The following SLC4A7 variants were observed in gnomAD, a reference collection of about 807,000 sequenced individuals.
SLC4A7 encodes the protein solute carrier family 4 member 7.
Under a neutral mutation model 137.6 loss-of-function variants are expected in SLC4A7, and 51 were observed. The ratio of observed to expected loss-of-function variants is 0.37; its 90% CI spans 0.30 to 0.47. The LOEUF (loss-of-function observed/expected upper bound fraction) is 0.47. Ranked by LOEUF, SLC4A7 falls within the 20% of genes least tolerant of loss-of-function variation. The pLI is 1.00. For synonymous variants in SLC4A7, 542 were observed against 518.6 expected, an observed-to-expected ratio of 1.05 and a Z score of -0.61; for missense variants, 1,247 against 1,525.4, an observed-to-expected ratio of 0.82 and a Z score of 3.04.
At chr3:27,378,680 T>C (rs992007290) in intron 25 of SLC4A7, among the ~76,000 whole-genome samples, 18 of 152,174 alleles carry the variant, frequency 1.2e-4, no homozygotes, top group African/African-American at 4.1e-4. Flanking sequence ...CCAAGCAAAA[T>C]GTTTACCTCA....
Position 27,415,667 on chromosome 3 carries a change from T to C in SLC4A7, c.1659+2819A>G, listed in dbSNP as rs143258448. On this transcript the variant is annotated intron_variant, in intron 11 of 25. Transcript: ENST00000454389. ...TTGACATTTTTTAAGCCAAACTTCTTTCTAAAATTACCAAACAATCTTTGC... is the reference window on the plus strand; with the variant it reads ...TTGACATTTTTTAAGCCAAACTTCTCTCTAAAATTACCAAACAATCTTTGC... Among the ~76,000 whole-genome samples the C allele has an allele frequency of 2.6e-3, 399 of 152,328 alleles. 1 individual carries two copies. The highest frequency in any genetic ancestry group is 9.3e-3 in the African/African-American group (385 of 41,574).
rs996687037 is a variant in SLC4A7, at chr3:27,440,899, G to A, written c.290-3373C>T. On this transcript the variant is annotated intron_variant, in intron 3 of 25. Coordinates refer to ENST00000454389, the MANE Select transcript of SLC4A7 (RefSeq NM_001321103.2). The stretch of plus-strand genomic sequence containing the variant: ...GTCTCTACCAAAAATACAAAAATTA[G>A]CCAGCCATGATGGCAGAGGCCTGTA... 3.9e-4 allele frequency among the ~76,000 whole-genome samples: 59 copies of A among 152,062 alleles called. No homozygotes were observed. In the Middle Eastern group the frequency reaches 0.017, roughly 44 times the overall value.
intron 8 of SLC4A7, 29 bp from the exon 9 acceptor site, chr3:27,421,808 A>G: frequency 6.4e-7 from 1 of 1,567,440 alleles, no homozygotes; most frequent in African/African-American, 1.4e-5. Flanking sequence ...TTAAAAATAA[A>G]GTTTCCGTGG....
chr3:27,402,630 C>T, intron 15 of SLC4A7, among the ~76,000 whole-genome samples: 1 of 151,520 alleles, frequency 6.6e-6, no homozygotes, highest in Admixed American at 6.6e-5. Context: ...ACCTGGGAGG[C>T]AGAGGCTGCA....
At chr3:27,447,222 T>C (rs933642435) in intron 3 of SLC4A7, among the ~76,000 whole-genome samples, 6 of 152,068 alleles carry the variant, frequency 3.9e-5, no homozygotes, top group African/African-American at 1.4e-4. Flanking sequence ...TCAGTCTCAC[T>C]GGGCTGAAGT....
At position 27,400,756 on chromosome 3, in the gene SLC4A7, A is replaced by G; in HGVS notation, c.2427+8T>C. 6.7e-7 allele frequency: 1 copy of G among 1,499,156 alleles called. No individual in the cohort carries two copies. The highest frequency in any genetic ancestry group is 2.3e-5 in the East Asian group (1 of 44,330). 92.9% of individuals were successfully genotyped at this position (1,499,156 alleles called of 1,614,324 possible). A position where few individuals can be genotyped will look rare whatever the true frequency, so the allele number is the denominator to read the frequency against. Reference sequence around the variant, plus strand: ...ATTACAAAACCCTTTATTTCAAAATATACTCACAGAAACAGTAAGATTTCT... The same window carrying G: ...ATTACAAAACCCTTTATTTCAAAATGTACTCACAGAAACAGTAAGATTTCT... On this transcript the variant is annotated splice_region_variant and intron_variant, in intron 16 of 25. Transcript: ENST00000454389.
At chr3:27,394,814 C>T (rs768557016) in intron 19 of SLC4A7, 45 bp from the exon 20 acceptor site, 1 of 1,582,804 alleles carries the variant, frequency 6.3e-7, no homozygotes, top group South Asian at 1.2e-5. Flanking sequence ...CTAAATGGTT[C>T]CCTCAATTTA....
intron 25 of SLC4A7, among the ~76,000 whole-genome samples, chr3:27,377,418 G>C (rs1455035069): frequency 6.6e-6 from 1 of 152,046 alleles, no homozygotes; most frequent in African/African-American, 2.4e-5. Flanking sequence ...GAGAGACAGA[G>C]TTTTGCTCTT....
rs191026105 is a variant in SLC4A7 at position 27,441,561 on chromosome 3, T to C, written c.290-4035A>G. Among the ~76,000 whole-genome samples, 789 of 152,214 alleles carry C rather than the reference T, an allele frequency of 5.2e-3. 4 individuals carry two copies. The highest frequency in any genetic ancestry group is 0.011 in the Admixed American group (161 of 15,288). ...GGCTGGAAGTGTAGTCACACAAGCA[T>C]GGCTCACTGCGGCCTCAAACTCCTA... On this transcript the variant is annotated intron_variant, in intron 3 of 25. Coordinates refer to ENST00000454389, the MANE Select transcript of SLC4A7 (RefSeq NM_001321103.2).
chr3:27,457,784 CAA>C (rs2058489480), intron 1 of SLC4A7, among the ~76,000 whole-genome samples: 1 of 152,126 alleles, frequency 6.6e-6, no homozygotes, highest in Non-Finnish European at 1.5e-5. Context: ...ATATCACCAA[CAA>C]TCTCATAAGT....
In SLC4A7 at chr3:27,424,096, C is replaced by T. The variant is rs1451954143; in HGVS notation, c.1207G>A (p.Glu403Lys). 14 of 1,612,174 alleles carry T rather than the reference C, an allele frequency of 8.7e-6. No individual in the cohort carries two copies. The highest frequency in any genetic ancestry group is 1.2e-5 in the Non-Finnish European group (14 of 1,178,980). ...PGNLDNSKSG[E>K]IKGNGSGGSR... The stretch of plus-strand genomic sequence containing the variant: ...CCACCACTTCCATTACCTTTAATTT[C>T]TCCACTTTTACTATTGTCCAAGTTT... The change falls in exon 8 of 26, where the codon GAA becomes AAA. Residue 403 changes from glutamate to lysine, a missense_variant. Physicochemically the swap from Glu to Lys is moderately conservative, Grantham distance 56. Coordinates refer to ENST00000454389, the MANE Select transcript of SLC4A7 (RefSeq NM_001321103.2).
At chr3:27,460,020 T>C (rs867709945) in intron 1 of SLC4A7, among the ~76,000 whole-genome samples, 2 of 140,218 alleles carry the variant, frequency 1.4e-5, no homozygotes, top group African/African-American at 5.0e-5. Context: ...CGTGTATATA[T>C]ACACATATAT....
At chr3:27,393,915 T>C (rs2051859448) in intron 20 of SLC4A7, among the ~76,000 whole-genome samples, 1 of 152,212 alleles carries the variant, frequency 6.6e-6, no homozygotes, top group Admixed American at 6.5e-5. Context: ...TCAAACTCTG[T>C]GGTCTCAAGA....
At chr3:27,452,913 G>T (rs1318543377) in intron 1 of SLC4A7, among the ~76,000 whole-genome samples, 1 of 152,082 alleles carries the variant, frequency 6.6e-6, no homozygotes, top group Non-Finnish European at 1.5e-5. Flanking sequence ...AGCTATACTG[G>T]ACTGAATTAT....
intron 11 of SLC4A7, among the ~76,000 whole-genome samples, chr3:27,412,684 A>T (rs2054019010): frequency 6.6e-6 from 1 of 152,148 alleles, no homozygotes; most frequent in South Asian, 2.1e-4. Flanking sequence ...TAAAAACTAC[A>T]AATTATAAAA....
In SLC4A7 at chr3:27,374,310, G is replaced by C. The variant is rs184196010; in HGVS notation, c.*2454C>G. ...CAGGGCTGAATTTATTTTGTAAATG[G>C]AATATGTACAGGTTTAATTATTTTG... On this transcript the variant is annotated 3_prime_UTR_variant, in exon 26 of 26. Coordinates refer to ENST00000454389, the MANE Select transcript of SLC4A7 (RefSeq NM_001321103.2). The C allele has an allele frequency of 1.3e-5, 2 of 152,592 alleles. No homozygotes were observed. The highest frequency in any genetic ancestry group is 1.3e-4 in the Admixed American group (2 of 15,296). 9.5% of individuals were successfully genotyped at this position (152,592 alleles called of 1,614,324 possible).
At chr3:27,406,074 C>T (rs1050695196) in intron 13 of SLC4A7, among the ~76,000 whole-genome samples, 2 of 152,120 alleles carry the variant, frequency 1.3e-5, no homozygotes. Context: ...AAAAGAAGCT[C>T]GTAAGAAACA....
chr3:27,384,209 A>T (rs1278394872), intron 23 of SLC4A7, among the ~76,000 whole-genome samples: 1 of 152,164 alleles, frequency 6.6e-6, no homozygotes, highest in Non-Finnish European at 1.5e-5. Context: ...CCTAAACTGA[A>T]TCTCCCAGCA....
intron 1 of SLC4A7, among the ~76,000 whole-genome samples, chr3:27,457,553 C>T (rs148085277): frequency 4.6e-5 from 7 of 152,132 alleles, no homozygotes; most frequent in African/African-American, 1.7e-4. Flanking sequence ...TCATCAAACT[C>T]AACAAGTATA....
Sources: gnomAD v4.1 joint callset for allele counts (sites outside exome capture counted in the v4.1 genomes callset) on GRCh38, gnomAD v4.1.1 for gene constraint, MANE v1.5 for transcripts, NCBI Gene and HGNC (gene_info 2026-07-23, HGNC 2026-07-21) for gene names.